The following OPRD1 variants were observed in gnomAD, a reference collection of about 807,000 sequenced individuals.
OPRD1 encodes delta-type opioid receptor.
Under a neutral mutation model 17.5 loss-of-function variants are expected in OPRD1, and 19 were observed. The ratio of observed to expected loss-of-function variants is 1.09; its 90% CI spans 0.76 to 1.60. OPRD1 has a LOEUF of 1.60. OPRD1 is among the 40% of genes most tolerant of loss of function. The pLI is 0.00. For missense variants in OPRD1, 483 were observed against 547.2 expected (o/e 0.88, Z 1.17); for synonymous variants, 256 against 240.9 (o/e 1.06, Z -0.58).
chr1:28,814,553 C>T (rs550502798), intron 1 of OPRD1, among the ~76,000 whole-genome samples: 142 of 152,276 alleles, frequency 9.3e-4, no homozygotes, highest in African/African-American at 3.2e-3. Context: ...CTCCAGGTGC[C>T]CAAGTCTGGA....
chr1:28,861,908 C>CTTTTTTTT (rs11307166), intron 2 of OPRD1, among the ~76,000 whole-genome samples: 1 of 144,158 alleles, frequency 6.9e-6, no homozygotes. Context: ...CTTTTCTTTT[C>CTTTTTTTT]TTTTCTTTTT....
chr1:28,813,390 T>C (rs2088648537), intron 1 of OPRD1, among the ~76,000 whole-genome samples: 1 of 152,200 alleles, frequency 6.6e-6, no homozygotes, highest in South Asian at 2.1e-4. Flanking sequence ...CAGAGAAGAC[T>C]CACGCCCTCC....
At chr1:28,854,542 C>A (rs910389317) in intron 1 of OPRD1, among the ~76,000 whole-genome samples, 1 of 151,952 alleles carries the variant, frequency 6.6e-6, no homozygotes, top group Non-Finnish European at 1.5e-5. Context: ...TTAGAGTGAG[C>A]CGCCAACTTA....
At chr1:28,824,138 C>CACT in intron 1 of OPRD1, among the ~76,000 whole-genome samples, 2 of 146,074 alleles carry the variant, frequency 1.4e-5, no homozygotes, top group South Asian at 4.5e-4. Context: ...GAGATCGCAT[C>CACT]ACTGCACTCC....
At chr1:28,840,757 A>G (rs965509510) in intron 1 of OPRD1, among the ~76,000 whole-genome samples, 1 of 152,044 alleles carries the variant, frequency 6.6e-6, no homozygotes, top group Non-Finnish European at 1.5e-5. Flanking sequence ...TCCCGGCTCC[A>G]CTAAAAATAT....
chr1:28,854,582 C>T (rs2147747875), intron 1 of OPRD1, among the ~76,000 whole-genome samples: 1 of 152,052 alleles, frequency 6.6e-6, no homozygotes, highest in African/African-American at 2.4e-5. Context: ...GAGAGGGAGG[C>T]TGCCGCAGTG....
chr1:28,841,931 C>T (rs918326396), intron 1 of OPRD1, among the ~76,000 whole-genome samples: 1 of 150,526 alleles, frequency 6.6e-6, no homozygotes, highest in Non-Finnish European at 1.5e-5. Flanking sequence ...ATTATGTTGG[C>T]CAGGCTGGTC....
rs2089136684 is a variant in OPRD1, at chr1:28,862,915, G to A, written c.751G>A (p.Glu251Lys). 2.5e-6 allele frequency: 4 copies of A among 1,612,846 alleles called. No individual in the cohort carries two copies. In the East Asian group the frequency reaches 8.9e-5, roughly 36 times the overall value. Residue 251 changes from glutamate to lysine, a missense_variant, in exon 3 of 3, where the codon GAG becomes AAG. Coordinates refer to ENST00000234961, the MANE Select transcript of OPRD1 (RefSeq NM_000911.4). ...TGTGCGCCTGCTGTCGGGCTCCAAG[G>A]AGAAGGACCGCAGCCTGCGGCGCAT... ...RSVRLLSGSK[E>K]KDRSLRRITR...
intron 1 of OPRD1, among the ~76,000 whole-genome samples, chr1:28,846,895 C>CTTT (rs1319487675): frequency 5.6e-3 from 189 of 33,958 alleles, no homozygotes; most frequent in African/African-American, 0.011. Context: ...TCTTTCTTTT[C>CTTT]TCTTTCTTTC....
chr1:28,861,548 G>A (rs372181936), intron 2 of OPRD1, among the ~76,000 whole-genome samples: 1 of 151,852 alleles, frequency 6.6e-6, no homozygotes, highest in Non-Finnish European at 1.5e-5. Flanking sequence ...GGGCTTAAGC[G>A]ATCCTCCCAC....
intron 1 of OPRD1, among the ~76,000 whole-genome samples, chr1:28,833,591 C>G (rs899913328): frequency 1.3e-5 from 2 of 152,168 alleles, no homozygotes; most frequent in Non-Finnish European, 2.9e-5. Flanking sequence ...ATGGCAGATA[C>G]TAACCACAGC....
At chr1:28,847,501 G>A (rs972105983) in intron 1 of OPRD1, among the ~76,000 whole-genome samples, 1 of 152,132 alleles carries the variant, frequency 6.6e-6, no homozygotes, top group Non-Finnish European at 1.5e-5. Flanking sequence ...AATGGCATGT[G>A]TTATTGGGAG....
At position 28,870,123 on chromosome 1, in the gene OPRD1, T is replaced by C. The variant is rs992882876; in HGVS notation, c.*6840T>C. 3 of 152,120 alleles carry C rather than the reference T, an allele frequency of 2.0e-5. No individual in the cohort carries two copies. The highest frequency in any genetic ancestry group is 6.6e-5 in the Admixed American group (1 of 15,258). The allele number at this position is 152,120 out of a possible 1,614,324, so 9.4% of individuals were successfully genotyped here. ...AATGCAAATGGACACACAGTAGTTA[T>C]CTACTGAGCTAATGAACAATGTCCC... On this transcript the variant is annotated 3_prime_UTR_variant, in exon 3 of 3. Coordinates refer to ENST00000234961, the MANE Select transcript of OPRD1 (RefSeq NM_000911.4).
At chr1:28,836,306 G>T (rs896297952) in intron 1 of OPRD1, among the ~76,000 whole-genome samples, 1 of 152,044 alleles carries the variant, frequency 6.6e-6, no homozygotes, top group African/African-American at 2.4e-5. Context: ...ACAAGGTCAG[G>T]AGTTCAAGAC....
intron 1 of OPRD1, among the ~76,000 whole-genome samples, chr1:28,816,174 C>T (rs770983686): frequency 1.3e-5 from 2 of 152,118 alleles, no homozygotes; most frequent in Non-Finnish European, 1.5e-5. Context: ...AAAACCACAC[C>T]GTGCTCCAGA....
At chr1:28,814,428 T>C (rs576032228) in intron 1 of OPRD1, among the ~76,000 whole-genome samples, 56 of 152,316 alleles carry the variant, frequency 3.7e-4, no homozygotes, top group African/African-American at 1.3e-3. Flanking sequence ...TTCTAGATCC[T>C]GTAGAATCTG....
intron 1 of OPRD1, among the ~76,000 whole-genome samples, chr1:28,826,260 TG>T (rs529565020): frequency 1.5e-4 from 23 of 152,158 alleles, no homozygotes; most frequent in Non-Finnish European, 2.6e-4. Flanking sequence ...TGCTGACTCA[TG>T]CTTGTAATCC....
chr1:28,861,240 T>C (rs978876337), intron 2 of OPRD1, among the ~76,000 whole-genome samples: 2 of 152,078 alleles, frequency 1.3e-5, no homozygotes, highest in Non-Finnish European at 2.9e-5. Context: ...AATCCTAGCA[T>C]TCCAAGAGAT....
chr1:28,858,366 G>T (rs1460196836), intron 1 of OPRD1, among the ~76,000 whole-genome samples: 1 of 151,408 alleles, frequency 6.6e-6, no homozygotes, highest in Non-Finnish European at 1.5e-5. Context: ...CGCCCGCCTC[G>T]GCCTCCCAAA....
Sources: allele counts gnomAD v4.1 joint callset (sites outside exome capture counted in the v4.1 genomes callset), GRCh38; gene constraint gnomAD v4.1.1; transcripts MANE v1.5; gene names NCBI Gene and HGNC (gene_info 2026-07-23, HGNC 2026-07-21).